CSMD1: variants seen among roughly 807,000 people sequenced by gnomAD.
CSMD1 encodes the protein CUB and Sushi multiple domains 1.
In CSMD1, 213 loss-of-function variants were observed where a neutral mutation model predicts 417.5. The ratio of observed to expected loss-of-function variants is 0.51; its 90% confidence interval spans 0.46 to 0.57. The LOEUF is 0.57. CSMD1 is among the 20% of genes least tolerant of loss of function. The pLI, the probability that CSMD1 is intolerant of heterozygous loss-of-function variation, is 0.00. For missense variants in CSMD1, 6,923 were observed against 4,529.7 expected, an observed-to-expected ratio of 1.53 and a Z score of -15.17; for synonymous variants, 2,862 against 1,736.8, an observed-to-expected ratio of 1.65 and a Z score of -16.11.
chr8:2,994,381 A>G (rs1164594401), intron 54 of CSMD1, among the ~76,000 whole-genome samples: 1 of 152,082 alleles, frequency 6.6e-6, no homozygotes, highest in Non-Finnish European at 1.5e-5. Context: ...CTTTCCCCAC[A>G]CACAGAAGTG....
intron 6 of CSMD1, among the ~76,000 whole-genome samples, chr8:3,713,170 A>G (rs1801626345): frequency 6.6e-6 from 1 of 152,200 alleles, no homozygotes; most frequent in African/African-American, 2.4e-5. Context: ...AACCACCACA[A>G]TAAATATACC....
intron 3 of CSMD1, among the ~76,000 whole-genome samples, chr8:4,138,624 AGG>A (rs1290202336): frequency 1.1e-4 from 17 of 151,906 alleles, no homozygotes; most frequent in Non-Finnish European, 1.8e-4. Flanking sequence ...AATTAAACAA[AGG>A]AAAAAACATC....
intron 12 of CSMD1, among the ~76,000 whole-genome samples, chr8:3,459,384 C>T (rs1200846640): frequency 1.3e-5 from 2 of 152,128 alleles, no homozygotes; most frequent in Non-Finnish European, 2.9e-5. Context: ...ACGGTGGATC[C>T]TTCTCATACA....
At chr8:4,144,544 G>T (rs879355478) in intron 3 of CSMD1, among the ~76,000 whole-genome samples, 2 of 150,958 alleles carry the variant, frequency 1.3e-5, no homozygotes, top group African/African-American at 5.0e-5. Flanking sequence ...TCCAGAATCT[G>T]GTTAGAGTCT....
At chr8:4,133,453 A>G (rs1803232339) in intron 3 of CSMD1, among the ~76,000 whole-genome samples, 1 of 152,030 alleles carries the variant, frequency 6.6e-6, no homozygotes, top group Non-Finnish European at 1.5e-5. Context: ...CATTTACCTT[A>G]TTTTTCTTTC....
At chr8:3,363,889 T>C (rs1485488873) in intron 20 of CSMD1, among the ~76,000 whole-genome samples, 2 of 152,156 alleles carry the variant, frequency 1.3e-5, no homozygotes, top group Non-Finnish European at 2.9e-5. Context: ...TTATGTAGAA[T>C]GGGGATTGTG....
chr8:4,336,819 C>T (rs1800201769), intron 3 of CSMD1, among the ~76,000 whole-genome samples: 1 of 152,014 alleles, frequency 6.6e-6, no homozygotes, highest in Non-Finnish European at 1.5e-5. Flanking sequence ...CTCTCAGTAA[C>T]TAGAGATGGA....
Position 4,418,462 on chromosome 8 carries a change from A to G in CSMD1, c.415+1491T>C, listed in dbSNP as rs116861884. On this transcript the variant is annotated intron_variant, in intron 3 of 69. Transcript: ENST00000635120. ...TCAACAGCGATGGAGTTTTCACAAC[A>G]TTAATTTTGGGAATCTAACAAGACC... Among the ~76,000 whole-genome samples, 1,370 of 152,266 alleles carry G rather than the reference A, an allele frequency of 9.0e-3. 37 individuals carry two copies. The East Asian group carries it at 0.1, about 11-fold the overall frequency.
chr8:4,297,002 G>A (rs887797704), intron 3 of CSMD1, among the ~76,000 whole-genome samples: 4 of 152,072 alleles, frequency 2.6e-5, no homozygotes, highest in African/African-American at 9.7e-5. Flanking sequence ...TACAAAGACA[G>A]GAATAGGAAG....
chr8:4,034,752 T>C (rs1212205575), intron 3 of CSMD1, among the ~76,000 whole-genome samples: 1 of 152,194 alleles, frequency 6.6e-6, no homozygotes, highest in Non-Finnish European at 1.5e-5. Context: ...TTAAAATAAA[T>C]CAACATGTCT....
chr8:4,641,403 T>C (rs1387595101), intron 1 of CSMD1, among the ~76,000 whole-genome samples: 1 of 152,162 alleles, frequency 6.6e-6, no homozygotes, highest in Non-Finnish European at 1.5e-5. Context: ...AAGTCCTTAA[T>C]ACCACAACCT....
intron 3 of CSMD1, among the ~76,000 whole-genome samples, chr8:4,404,829 A>G (rs531367021): frequency 4.3e-4 from 66 of 152,306 alleles, no homozygotes; most frequent in African/African-American, 1.5e-3. Context: ...AAGTGAGGCA[A>G]TAACAACAAC....
chr8:4,083,276 G>T (rs1266353577), intron 3 of CSMD1, among the ~76,000 whole-genome samples: 1 of 152,122 alleles, frequency 6.6e-6, no homozygotes, highest in Non-Finnish European at 1.5e-5. Flanking sequence ...TCCAGCACCT[G>T]TCGTTTCCTG....
intron 7 of CSMD1, among the ~76,000 whole-genome samples, chr8:3,642,488 C>G (rs530579222): frequency 6.6e-6 from 1 of 152,140 alleles, no homozygotes; most frequent in Non-Finnish European, 1.5e-5. Flanking sequence ...CAAGCAAACA[C>G]AAATCCTCTC....
chr8:4,564,542 G>A (rs1585255950), intron 2 of CSMD1, among the ~76,000 whole-genome samples: 2 of 152,230 alleles, frequency 1.3e-5, no homozygotes, highest in East Asian at 1.9e-4. Context: ...CGAAACAGAA[G>A]CATTCCAAAT....
At chr8:3,996,050 T>G (rs1815188472) in intron 5 of CSMD1, among the ~76,000 whole-genome samples, 3 of 152,220 alleles carry the variant, frequency 2.0e-5, no homozygotes, top group Admixed American at 1.3e-4. Context: ...AGTGCTACAA[T>G]GGTCCCATCA....
intron 18 of CSMD1, among the ~76,000 whole-genome samples, chr8:3,382,473 T>C (rs1255408823): frequency 1.1e-5 from 1 of 94,682 alleles, no homozygotes; most frequent in Non-Finnish European, 2.3e-5. Flanking sequence ...ATATTATATA[T>C]AATCTATATA....
At chr8:3,655,014 C>A (rs930519679) in intron 7 of CSMD1, among the ~76,000 whole-genome samples, 1 of 151,962 alleles carries the variant, frequency 6.6e-6, no homozygotes, top group Non-Finnish European at 1.5e-5. Context: ...CAATAACGCT[C>A]AAATTTTTAA....
intron 1 of CSMD1, among the ~76,000 whole-genome samples, chr8:4,757,957 C>G (rs867770541): frequency 1.4e-4 from 15 of 110,164 alleles, no homozygotes; most frequent in Middle Eastern, 5.1e-3. Flanking sequence ...GAGACTTTGT[C>G]TCAAAAAAAA....
Sources: allele counts gnomAD v4.1 joint callset (sites outside exome capture counted in the v4.1 genomes callset), GRCh38; gene constraint gnomAD v4.1.1; transcripts MANE v1.5; gene names NCBI Gene and HGNC (gene_info 2026-07-23, HGNC 2026-07-21).